Variants in PLCB1 observed in about 807,000 individuals in gnomAD.
The protein encoded by PLCB1 is phospholipase C beta 1, also known as 1-phosphatidylinositol 4,5-bisphosphate phosphodiesterase beta-1.
PLCB1 carries 46 observed loss-of-function variants against 161.8 expected under a neutral mutation model. The observed-to-expected ratio is 0.28, with a 90% confidence interval of 0.22 to 0.36. The LOEUF (loss-of-function observed/expected upper bound fraction) is 0.36. Ranked by LOEUF, PLCB1 falls within the 10% of genes least tolerant of loss-of-function variation. The pLI is 1.00. For synonymous variants in PLCB1, 517 were observed against 503.7 expected (o/e 1.03, Z -0.35); for missense variants, 1,016 against 1,472.5 (o/e 0.69, Z 5.07).
In PLCB1 at chr20:8,774,536, C is replaced by T. The variant is rs1982849157; in HGVS notation, c.2931-3C>T. On this transcript the variant is annotated splice_region_variant and splice_polypyrimidine_tract_variant and intron_variant, in intron 26 of 31. Coordinates refer to ENST00000338037, the MANE Select transcript of PLCB1 (RefSeq NM_015192.4). ...TTGTGAGTCAAACTCTGTGTCTTTG[C>T]AGATCGGAACCCAGCAGCCCTGATC... The T allele has an allele frequency of 6.2e-7, 1 of 1,600,858 alleles. No homozygotes were observed. Among genetic ancestry groups the T allele is most frequent in the Non-Finnish European group, 8.5e-7 (1 of 1,170,650 alleles).
intron 31 of PLCB1, among the ~76,000 whole-genome samples, chr20:8,817,793 T>A (rs1299538491): frequency 3.9e-5 from 6 of 151,984 alleles, no homozygotes; most frequent in Admixed American, 6.6e-5. Context: ...CTACAAAAAC[T>A]TGAGATTTTG....
intron 3 of PLCB1, among the ~76,000 whole-genome samples, chr20:8,382,249 A>C (rs947252753): frequency 1.3e-5 from 2 of 148,334 alleles, no homozygotes; most frequent in African/African-American, 5.0e-5. Context: ...TTCAATTTCC[A>C]TGTAATTGTG....
chr20:8,607,117 A>G (rs1236529487), intron 3 of PLCB1, among the ~76,000 whole-genome samples: 1 of 152,012 alleles, frequency 6.6e-6, no homozygotes, highest in East Asian at 1.9e-4. Flanking sequence ...TTCCCTTAGC[A>G]CCATTTACCA....
At chr20:8,160,708 G>A (rs2051613683) in intron 2 of PLCB1, among the ~76,000 whole-genome samples, 1 of 152,130 alleles carries the variant, frequency 6.6e-6, no homozygotes, top group Non-Finnish European at 1.5e-5. Flanking sequence ...AGATTTGGGT[G>A]GGGACACAGC....
At chr20:8,689,772 C>T (rs1435621007) in intron 10 of PLCB1, among the ~76,000 whole-genome samples, 1 of 151,220 alleles carries the variant, frequency 6.6e-6, no homozygotes, top group Non-Finnish European at 1.5e-5. Context: ...TTCATATGCC[C>T]TTCCTATGTA....
At chr20:8,477,167 A>G (rs1982314046) in intron 3 of PLCB1, among the ~76,000 whole-genome samples, 1 of 152,182 alleles carries the variant, frequency 6.6e-6, no homozygotes. Flanking sequence ...TGAGCCATAC[A>G]GAATCGCAGG....
At chr20:8,721,892 G>A (rs538532691) in intron 14 of PLCB1, among the ~76,000 whole-genome samples, 48 of 152,250 alleles carry the variant, frequency 3.2e-4, no homozygotes, top group Middle Eastern at 3.4e-3. Flanking sequence ...TGCTGGCCAC[G>A]CATTGCATGG....
intron 2 of PLCB1, among the ~76,000 whole-genome samples, chr20:8,156,666 G>T (rs2051566861): frequency 6.6e-6 from 1 of 152,170 alleles, no homozygotes; most frequent in Admixed American, 6.5e-5. Flanking sequence ...GACAGATGTG[G>T]TTTGTCACAG....
intron 3 of PLCB1, among the ~76,000 whole-genome samples, chr20:8,540,524 G>C (rs927225350): frequency 6.6e-6 from 1 of 152,144 alleles, no homozygotes; most frequent in Non-Finnish European, 1.5e-5. Flanking sequence ...TCTGCCCCTT[G>C]TGCCTGTCAG....
At chr20:8,567,008 C>T (rs1986358009) in intron 3 of PLCB1, among the ~76,000 whole-genome samples, 1 of 152,062 alleles carries the variant, frequency 6.6e-6, no homozygotes, top group African/African-American at 2.4e-5. Context: ...TAACAGAACT[C>T]GTAATTCTGA....
chr20:8,251,585 A>C (rs1354602097), intron 2 of PLCB1, among the ~76,000 whole-genome samples: 3 of 151,934 alleles, frequency 2.0e-5, no homozygotes, highest in Non-Finnish European at 4.4e-5. Context: ...GCATGGTTGG[A>C]TGAGGGTCAG....
At chr20:8,535,085 T>C (rs1034160646) in intron 3 of PLCB1, among the ~76,000 whole-genome samples, 1 of 134,118 alleles carries the variant, frequency 7.5e-6, no homozygotes, top group Non-Finnish European at 1.6e-5. Context: ...TTCCAAAATA[T>C]AATTTTTAGA....
chr20:8,432,994 T>A (rs1260831682), intron 3 of PLCB1, among the ~76,000 whole-genome samples: 1 of 152,230 alleles, frequency 6.6e-6, no homozygotes, highest in African/African-American at 2.4e-5. Flanking sequence ...CATTTATCAG[T>A]CCTGGCTGGA....
chr20:8,162,025 T>G (rs2051630197), intron 2 of PLCB1, among the ~76,000 whole-genome samples: 1 of 152,186 alleles, frequency 6.6e-6, no homozygotes, highest in Admixed American at 6.5e-5. Context: ...TTCCTTACAC[T>G]GTGCTTAGTA....
At chr20:8,799,529 C>A (rs1177538122) in intron 31 of PLCB1, among the ~76,000 whole-genome samples, 1 of 151,936 alleles carries the variant, frequency 6.6e-6, no homozygotes, top group Non-Finnish European at 1.5e-5. Context: ...TTTTTTAAAG[C>A]CCTATTTTGA....
chr20:8,159,658 C>G (rs1173416962), intron 2 of PLCB1, among the ~76,000 whole-genome samples: 1 of 152,082 alleles, frequency 6.6e-6, no homozygotes, highest in Non-Finnish European at 1.5e-5. Context: ...TTTAACGGTA[C>G]CCAAGCCACC....
chr20:8,871,394 T>C (rs1987604061), intron 31 of PLCB1, among the ~76,000 whole-genome samples: 1 of 152,184 alleles, frequency 6.6e-6, no homozygotes, highest in South Asian at 2.1e-4. Flanking sequence ...ATAAGGATAA[T>C]ACTAAAGGTA....
chr20:8,262,182 C>CCTGTTTCT (rs1298999998), intron 2 of PLCB1, among the ~76,000 whole-genome samples: 1 of 151,978 alleles, frequency 6.6e-6, no homozygotes, highest in East Asian at 1.9e-4. Flanking sequence ...TAAGGATTTG[C>CCTGTTTCT]CTGTTTCTCC....
At chr20:8,295,904 G>C (rs935535925) in intron 2 of PLCB1, among the ~76,000 whole-genome samples, 3 of 151,772 alleles carry the variant, frequency 2.0e-5, no homozygotes, top group African/African-American at 7.3e-5. Context: ...GTAGAAATGG[G>C]GTCTGACTTT....
Sources: allele counts gnomAD v4.1 joint callset (sites outside exome capture counted in the v4.1 genomes callset), GRCh38; gene constraint gnomAD v4.1.1; transcripts MANE v1.5; gene names NCBI Gene and HGNC (gene_info 2026-07-23, HGNC 2026-07-21).